CAPN11: variants seen among roughly 807,000 people sequenced by gnomAD.
The protein encoded by CAPN11 is calpain-11.
A neutral mutation model predicts 105.3 loss-of-function variants in CAPN11; 108 were observed. That is an observed-to-expected ratio of 1.03 (90% CI 0.88 to 1.20). CAPN11 has a LOEUF of 1.20. Among genes scored for constraint, CAPN11 ranks in the 50% most tolerant of loss-of-function variants. The pLI, the probability that CAPN11 is intolerant of heterozygous loss-of-function variation, is 0.00. For synonymous variants in CAPN11, 329 were observed against 344.5 expected (o/e 0.96, Z 0.50); for missense variants, 883 against 924.8 (o/e 0.95, Z 0.59).
Position 44,166,756 on chromosome 6 carries a change from A to G in CAPN11, c.17-2A>G. ...CCCTCCTCCCACTCTTTCTTATTCT[A>G]GGGCCGAGTCTTCCGGAGTCAGCAG... On this transcript the variant is annotated splice_acceptor_variant, in intron 1 of 22. Coordinates refer to ENST00000398776, the MANE Select transcript of CAPN11 (RefSeq NM_007058.4). LOFTEE classifies it high-confidence loss of function. 2 of 1,551,110 alleles carry G rather than the reference A, an allele frequency of 1.3e-6. No homozygotes were observed. The highest frequency in any genetic ancestry group is 1.7e-6 in the Non-Finnish European group (2 of 1,146,204).
At chr6:44,162,545 G>A (rs59379209) in intron 1 of CAPN11, among the ~76,000 whole-genome samples, 8,624 of 152,088 alleles carry the variant, frequency 0.057, 378 homozygotes, top group African/African-American at 0.12. Flanking sequence ...CCAGACTCTG[G>A]CTCTACCCAC....
rs150810304 is a variant in CAPN11, at chr6:44,173,959, A to G, written c.831+573A>G. On this transcript the variant is annotated intron_variant, in intron 7 of 22. Coordinates refer to ENST00000398776, the MANE Select transcript of CAPN11 (RefSeq NM_007058.4). Reference sequence around the variant, plus strand: ...TGACCTGAAATTATCTTGCTTATCTATGTTTTCACTCATAGCCCATCTTCT... The same window carrying G: ...TGACCTGAAATTATCTTGCTTATCTGTGTTTTCACTCATAGCCCATCTTCT... 4.8e-3 allele frequency among the ~76,000 whole-genome samples: 725 copies of G among 152,026 alleles called. 2 individuals carry two copies. Among genetic ancestry groups the G allele is most frequent in the Non-Finnish European group, 8.1e-3 (547 of 67,914 alleles).
Position 44,173,394 on chromosome 6 carries a change from A to G in CAPN11, c.831+8A>G. The G allele has an allele frequency of 1.3e-6, 2 of 1,586,698 alleles. No individual in the cohort carries two copies. Among genetic ancestry groups the G allele is most frequent in the Non-Finnish European group, 1.7e-6 (2 of 1,162,928 alleles). ...ATGGGTTGCTCCATTGAAGTAAGCA[A>G]AGCATGGTCCCACCTCAGGGCCTTT... On this transcript the variant is annotated splice_region_variant and intron_variant, in intron 7 of 22. Transcript: ENST00000398776.
In CAPN11 at chr6:44,181,116, A is replaced by G. The variant is rs537703219; in HGVS notation, c.1869+119A>G. On this transcript the variant is annotated intron_variant, in intron 18 of 22. Coordinates refer to ENST00000398776, the MANE Select transcript of CAPN11 (RefSeq NM_007058.4). ...GATGGGGATTAGGCTCTGGGGTAGC[A>G]GAAGATGCCAGTTCTTCTGGCTGCT... is the stretch of plus-strand genomic sequence containing the variant. 220 of 1,201,734 alleles carry G rather than the reference A, an allele frequency of 1.8e-4. 2 individuals carry two copies. In the Middle Eastern group the frequency reaches 4.8e-3, roughly 26 times the overall value. 74.4% of individuals were successfully genotyped at this position (1,201,734 alleles called of 1,614,324 possible).
chr6:44,162,200 C>T (rs1459840603), intron 1 of CAPN11, among the ~76,000 whole-genome samples: 1 of 152,068 alleles, frequency 6.6e-6, no homozygotes, highest in Non-Finnish European at 1.5e-5. Flanking sequence ...GAATAGTCAT[C>T]CTGATCCGCC....
chr6:44,177,085 C>T, intron 11 of CAPN11, 87 bp downstream of exon 11: 3 of 1,514,338 alleles, frequency 2.0e-6, no homozygotes, highest in Non-Finnish European at 1.8e-6. Context: ...GGGCACGAGT[C>T]ACCGGAGTCA....
At chr6:44,178,799 T>C (rs573227952) in intron 12 of CAPN11, among the ~76,000 whole-genome samples, 3 of 147,948 alleles carry the variant, frequency 2.0e-5, no homozygotes, top group Non-Finnish European at 3.0e-5. Context: ...GGCACACACC[T>C]GTGGTCCCAG....
intron 20 of CAPN11, 50 bp downstream of exon 20, chr6:44,183,069 G>A (rs956125461): frequency 1.3e-6 from 2 of 1,594,348 alleles, no homozygotes; most frequent in Non-Finnish European, 8.6e-7. Context: ...GGATGGCAGT[G>A]TCCAGAGGCC....
chr6:44,181,401 G>C, intron 19 of CAPN11, 81 bp downstream of exon 19: 1 of 1,039,364 alleles, frequency 9.6e-7, no homozygotes, highest in South Asian at 1.4e-5. Context: ...GGGGAAGCTA[G>C]AACCCAAGCC....
chr6:44,166,485 C>G (rs1048243713), intron 1 of CAPN11, among the ~76,000 whole-genome samples: 1 of 152,138 alleles, frequency 6.6e-6, no homozygotes, highest in African/African-American at 2.4e-5. Context: ...GCTGTCAGCT[C>G]TGCTGTTATA....
chr6:44,176,086 C>T lies in CAPN11; in HGVS notation c.850C>T (p.Leu284=), dbSNP rs1458458982. The change falls in exon 8 of 23, where the codon CTG becomes TTG. Residue 284 remains leucine (L), a synonymous_variant. Coordinates refer to ENST00000398776, the MANE Select transcript of CAPN11 (RefSeq NM_007058.4). ...TCTGTAGGTCACCAGTGATAGTGAA[C>T]TGGAATCCATGACTGACAAGATGCT... ...CSIEVTSDSE[L]ESMTDKMLVR... 1.9e-6 allele frequency: 3 copies of T among 1,611,720 alleles called. No individual in the cohort carries two copies. In the African/African-American group the frequency reaches 4.0e-5, roughly 22 times the overall value.
chr6:44,178,986 A>G (rs1772663331), intron 12 of CAPN11, among the ~76,000 whole-genome samples: 1 of 152,166 alleles, frequency 6.6e-6, no homozygotes, highest in Non-Finnish European at 1.5e-5. Flanking sequence ...TCCGGTGCAC[A>G]CAAGCACACT....
intron 12 of CAPN11, among the ~76,000 whole-genome samples, chr6:44,179,207 A>G (rs1423447082): frequency 6.6e-6 from 1 of 152,028 alleles, no homozygotes; most frequent in African/African-American, 2.4e-5. Flanking sequence ...TGGACAAATC[A>G]CCTCACATCT....
Position 44,158,872 on chromosome 6 carries a change from C to T in CAPN11, c.16+8C>T, listed in dbSNP as rs1296795300. ...GCATGCTGTACTCCCCAGGTAGGCA[C>T]TCATGGGGCCTTGCCCCACTCCTGT... is the stretch of plus-strand genomic sequence containing the variant. On this transcript the variant is annotated splice_region_variant and intron_variant, in intron 1 of 22. Transcript: ENST00000398776. The T allele has an allele frequency of 3.9e-6, 6 of 1,550,944 alleles. No individual in the cohort carries two copies. The highest frequency in any genetic ancestry group is 5.2e-6 in the Non-Finnish European group (6 of 1,146,374).
intron 13 of CAPN11, 142 bp downstream of exon 13, chr6:44,179,772 T>C: frequency 2.0e-6 from 2 of 995,236 alleles, no homozygotes; most frequent in East Asian, 2.4e-5. Context: ...TCAGGGCTGG[T>C]AGGGGTCGGG....
At chr6:44,166,289 A>G (rs1769832103) in intron 1 of CAPN11, among the ~76,000 whole-genome samples, 1 of 152,160 alleles carries the variant, frequency 6.6e-6, no homozygotes, top group Non-Finnish European at 1.5e-5. Context: ...GAGGCTCAGC[A>G]TAGAGTGAAG....
chr6:44,173,040 T>C lies in CAPN11; in HGVS notation c.629T>C (p.Phe210Ser). The change falls in exon 6 of 23, where the codon TTC becomes TCC. Residue 210 changes from phenylalanine (F) to serine (S), a missense_variant. Transcript: ENST00000398776. ...GTGCACTCAACCGAACGCAGTGAGTTCTGGAGTGCCCTGCTGGAGAAGGCG... is the reference window on the plus strand; with the variant it reads ...GTGCACTCAACCGAACGCAGTGAGTCCTGGAGTGCCCTGCTGGAGAAGGCG... ...VFVHSTERSE[F>S]WSALLEKAYA... 1 of 1,613,494 alleles carries C rather than the reference T, an allele frequency of 6.2e-7. No homozygotes were observed. Among genetic ancestry groups the C allele is most frequent in the Non-Finnish European group, 8.5e-7 (1 of 1,179,712 alleles).
rs1377551797 is a variant in CAPN11 at position 44,181,495 on chromosome 6, C to T, written c.1938+175C>T. ...CACATACAGACACAACCACACCACA[C>T]ACACACACACACACTCACATACAGA... On this transcript the variant is annotated intron_variant, in intron 19 of 22. Transcript: ENST00000398776. 6.3e-4 allele frequency among the ~76,000 whole-genome samples: 75 copies of T among 118,394 alleles called. 5 individuals carry two copies. The highest frequency in any genetic ancestry group is 4.2e-3 in the Middle Eastern group (1 of 236). 77.7% of individuals were successfully genotyped at this position (118,394 alleles called of 152,430 possible). A position where few individuals can be genotyped will look rare whatever the true frequency, so the allele number is the denominator to read the frequency against.
At position 44,182,806 on chromosome 6, in the gene CAPN11, T is replaced by G. The variant is rs191996710; in HGVS notation, c.1939-135T>G. On this transcript the variant is annotated intron_variant, in intron 19 of 22. Transcript: ENST00000398776. ...CCAGGCTGGTCTCAAACTCCTGACC[T>G]CAGATGATCCGCCTGCCTCGGCCTT... 78 of 649,432 alleles carry G rather than the reference T, an allele frequency of 1.2e-4. No homozygotes were observed. The East Asian group carries it at 2.1e-3, about 18-fold the overall frequency. 40.2% of individuals were successfully genotyped at this position (649,432 alleles called of 1,614,324 possible). A position where few individuals can be genotyped will look rare whatever the true frequency, so the allele number is the denominator to read the frequency against.
Sources: gnomAD v4.1 joint callset for allele counts (sites outside exome capture counted in the v4.1 genomes callset) on GRCh38, gnomAD v4.1.1 for gene constraint, MANE v1.5 for transcripts, NCBI Gene and HGNC (gene_info 2026-07-23, HGNC 2026-07-21) for gene names.